The following DPP6 variants were observed in gnomAD, a reference collection of about 807,000 sequenced individuals.
DPP6 encodes dipeptidyl peptidase like 6.
In DPP6, 69 loss-of-function variants were observed where a neutral mutation model predicts 122.6. The observed-to-expected ratio is 0.56, with a 90% CI of 0.46 to 0.69. DPP6 has a LOEUF of 0.69. DPP6 is among the 30% of genes least tolerant of loss of function. The pLI is 0.00. For synonymous variants in DPP6, 418 were observed against 433.1 expected, an observed-to-expected ratio of 0.97 and a Z score of 0.43; for missense variants, 928 against 1,116.9, an observed-to-expected ratio of 0.83 and a Z score of 2.41.
chr7:154,639,917 A>G (rs535422929), intron 6 of DPP6, among the ~76,000 whole-genome samples: 1 of 152,200 alleles, frequency 6.6e-6, no homozygotes, highest in African/African-American at 2.4e-5. Context: ...CCTCCTAGCT[A>G]CTGTATGCTT....
At chr7:154,800,266 C>A (rs2150445835) in intron 12 of DPP6, among the ~76,000 whole-genome samples, 1 of 152,262 alleles carries the variant, frequency 6.6e-6, no homozygotes, top group Middle Eastern at 3.4e-3. Context: ...ATTTTAATCA[C>A]ATGTTAGTTT....
At chr7:154,716,332 G>A (rs898547504) in intron 7 of DPP6, among the ~76,000 whole-genome samples, 2 of 152,108 alleles carry the variant, frequency 1.3e-5, no homozygotes, top group African/African-American at 4.8e-5. Flanking sequence ...CTCTTGCTGT[G>A]TCTTTTACCA....
At chr7:154,083,220 C>T (rs1804160441) in intron 1 of DPP6, among the ~76,000 whole-genome samples, 3 of 152,090 alleles carry the variant, frequency 2.0e-5, no homozygotes, top group African/African-American at 4.8e-5. Context: ...TTGCAGTGCA[C>T]TGGGCTGCTA....
chr7:154,531,636 A>T (rs911346781), intron 3 of DPP6, among the ~76,000 whole-genome samples: 1 of 152,078 alleles, frequency 6.6e-6, no homozygotes, highest in African/African-American at 2.4e-5. Flanking sequence ...TGCAAAAGAC[A>T]TTTTTTTCTT....
At chr7:154,829,752 A>T (rs1800482759) in intron 16 of DPP6, among the ~76,000 whole-genome samples, 1 of 152,020 alleles carries the variant, frequency 6.6e-6, no homozygotes, top group South Asian at 2.1e-4. Flanking sequence ...TTCTAAGAGG[A>T]ACTGCAGACC....
intron 1 of DPP6, among the ~76,000 whole-genome samples, chr7:154,104,178 T>C (rs1805971412): frequency 1.3e-5 from 2 of 152,250 alleles, no homozygotes; most frequent in Non-Finnish European, 2.9e-5. Flanking sequence ...CTTGCCTTTC[T>C]GGAATCGCAG....
the DPP6 span, among the ~76,000 whole-genome samples, chr7:153,834,543 C>A: frequency 9.9e-4 from 151 of 152,132 alleles, no homozygotes; most frequent in Non-Finnish European, 1.8e-3. Context: ...AAGAGCCCAG[C>A]AGCATGTCAC....
chr7:154,812,351 C>T (rs548401859), intron 16 of DPP6, among the ~76,000 whole-genome samples: 1 of 152,226 alleles, frequency 6.6e-6, no homozygotes, highest in African/African-American at 2.4e-5. Flanking sequence ...AACTTATATT[C>T]AGCAATATAA....
chr7:153,753,817 G>A, the DPP6 span, among the ~76,000 whole-genome samples: 1,279 of 152,176 alleles, frequency 8.4e-3, 18 homozygotes, highest in African/African-American at 0.029. Context: ...ATTAATAATC[G>A]TAATATCTCC....
rs137920657 is a variant in DPP6, at chr7:154,217,114, T to C, written c.243+164051T>C. Reference sequence around the variant, plus strand: ...TTTTTTTTTTTAAAGAACTCTCAAATTACCCATTGATAAATACAGCACTCA... The same window carrying C: ...TTTTTTTTTTTAAAGAACTCTCAAACTACCCATTGATAAATACAGCACTCA... On this transcript the variant is annotated intron_variant, in intron 1 of 25. Transcript: ENST00000377770. 5.3e-5 allele frequency among the ~76,000 whole-genome samples: 8 copies of C among 152,204 alleles called. No homozygotes were observed. The East Asian group carries it at 1.5e-3, about 29-fold the overall frequency.
the DPP6 span, among the ~76,000 whole-genome samples, chr7:153,791,403 C>A: frequency 2.3e-5 from 2 of 85,452 alleles, no homozygotes; most frequent in African/African-American, 8.8e-5. Flanking sequence ...TCCCTTCCTG[C>A]CTTCCTTCCT....
In DPP6 at chr7:154,403,843, C is replaced by T. The variant is rs1268307685; in HGVS notation, c.244-42371C>T. 2.0e-5 allele frequency among the ~76,000 whole-genome samples: 3 copies of T among 152,208 alleles called. No individual in the cohort carries two copies. In the East Asian group the frequency reaches 5.8e-4, roughly 29 times the overall value. ...TTTGGCTGTGAATATCCACCACTGT[C>T]TTCCTACTTCTCTTTCTTTGGAAGC... On this transcript the variant is annotated intron_variant, in intron 1 of 25. Transcript: ENST00000377770. This position sits in a 1 kb window ranked among gnomAD's most constrained non-coding sequence, Gnocchi z 4.1.
chr7:154,884,040 C>T lies in DPP6; in HGVS notation c.2134-1593C>T, dbSNP rs368518869. ...CGCTCACACATACACTCACACACAC[C>T]TGCTCACACATACCCATACATGCTC... On this transcript the variant is annotated intron_variant, in intron 21 of 25. Coordinates refer to ENST00000377770, the MANE Select transcript of DPP6 (RefSeq NM_130797.4). 2.1e-4 allele frequency: 23 copies of T among 107,920 alleles called. No homozygotes were observed. The South Asian group carries it at 4.0e-3, about 19-fold the overall frequency. The allele number at this position is 107,920 out of a possible 1,614,324, so 6.7% of individuals were successfully genotyped here. A position where few individuals can be genotyped will look rare whatever the true frequency, so the allele number is the denominator to read the frequency against.
intron 1 of DPP6, among the ~76,000 whole-genome samples, chr7:154,386,309 C>T (rs1814106692): frequency 6.6e-6 from 1 of 152,066 alleles, no homozygotes; most frequent in African/African-American, 2.4e-5. Flanking sequence ...TGCCCCCCAC[C>T]CCCACCATGC....
the DPP6 span, among the ~76,000 whole-genome samples, chr7:153,837,125 C>T: frequency 2.0e-5 from 3 of 152,196 alleles, no homozygotes; most frequent in Non-Finnish European, 4.4e-5. Context: ...ATCATAATCA[C>T]TTCTAAACCA....
chr7:153,886,749 A>G (rs116137894), upstream of DPP6, among the ~76,000 whole-genome samples: 490 of 152,206 alleles, frequency 3.2e-3, 2 homozygotes, highest in African/African-American at 0.011. Context: ...CTGTTACAAC[A>G]TTATTTATAA....
intron 1 of DPP6, among the ~76,000 whole-genome samples, chr7:154,044,679 C>T (rs1302574449): frequency 6.6e-6 from 1 of 152,086 alleles, no homozygotes; most frequent in African/African-American, 2.4e-5. Flanking sequence ...TCTTAAGTGA[C>T]GGTGAAAAAT....
intron 20 of DPP6, chr7:154,876,322 AT>A: frequency 2.5e-6 from 2 of 807,808 alleles, no homozygotes; most frequent in Non-Finnish European, 3.4e-6. Flanking sequence ...TGCAGGGTAG[AT>A]TGTTGAGTTG....
At chr7:154,823,970 A>G (rs1435063760) in intron 16 of DPP6, among the ~76,000 whole-genome samples, 1 of 152,222 alleles carries the variant, frequency 6.6e-6, no homozygotes, top group Admixed American at 6.5e-5. Context: ...CATTGCATGT[A>G]TGAAGTCAAA....
Sources: gnomAD v4.1 joint callset for allele counts (sites outside exome capture counted in the v4.1 genomes callset) on GRCh38, gnomAD v4.1.1 for gene constraint, Gnocchi (gnomAD v3.1) non-coding constraint, MANE v1.5 for transcripts, NCBI Gene and HGNC (gene_info 2026-07-23, HGNC 2026-07-21) for gene names.